Variants in RELCH observed in about 807,000 individuals in gnomAD.
RELCH encodes RAB11 binding and LisH domain, coiled-coil and HEAT repeat containing.
A neutral mutation model predicts 150.3 loss-of-function variants in RELCH; 41 were observed. The ratio of observed to expected loss-of-function variants is 0.27; its 90% CI spans 0.21 to 0.35. The LOEUF is 0.35. RELCH is among the 10% of genes least tolerant of loss of function. The probability of loss-of-function intolerance (pLI) is 1.00; values close to 1 mark genes in which losing one functional copy is unlikely to be tolerated. For synonymous variants in RELCH, 478 were observed against 531.8 expected (o/e 0.90, Z 1.39); for missense variants, 1,092 against 1,467.8 (o/e 0.74, Z 4.18).
chr18:62,252,283 G>A (rs1228207714), intron 11 of RELCH, among the ~76,000 whole-genome samples: 1 of 151,808 alleles, frequency 6.6e-6, no homozygotes, highest in Non-Finnish European at 1.5e-5. Context: ...ACAGGCGTGA[G>A]CTACTGCACC....
At chr18:62,248,998 A>G (rs1026750187) in intron 11 of RELCH, among the ~76,000 whole-genome samples, 1 of 152,374 alleles carries the variant, frequency 6.6e-6, no homozygotes, top group Admixed American at 6.5e-5. Flanking sequence ...ATGGGTGGAT[A>G]GATGGATTAA....
intron 11 of RELCH, among the ~76,000 whole-genome samples, chr18:62,250,711 C>T (rs2042658680): frequency 6.6e-6 from 1 of 152,146 alleles, no homozygotes; most frequent in Non-Finnish European, 1.5e-5. Context: ...TTCCAAAGAG[C>T]TTTGTTATTC....
chr18:62,204,279 G>A (rs2148263182), intron 1 of RELCH, among the ~76,000 whole-genome samples: 1 of 152,174 alleles, frequency 6.6e-6, no homozygotes, highest in East Asian at 1.9e-4. Context: ...TTATTTTAAA[G>A]AACTGGAAAT....
Position 62,308,541 on chromosome 18 carries a change from G to A in RELCH, c.*3007G>A, listed in dbSNP as rs985894070. The A allele has an allele frequency of 6.6e-6, 1 of 151,970 alleles. No individual in the cohort carries two copies. The highest frequency in any genetic ancestry group is 6.6e-5 in the Admixed American group (1 of 15,264). 9.4% of individuals were successfully genotyped at this position (151,970 alleles called of 1,614,324 possible). A position where few individuals can be genotyped will look rare whatever the true frequency, so the allele number is the denominator to read the frequency against. On this transcript the variant is annotated 3_prime_UTR_variant, in exon 29 of 29. Transcript: ENST00000644646. ...TCAAGACCAGCCTGGCCAACGTGGTGAAACCCCGCCTCTAAAAATACAAAA... is the reference window on the plus strand; with the variant it reads ...TCAAGACCAGCCTGGCCAACGTGGTAAAACCCCGCCTCTAAAAATACAAAA...
chr18:62,274,043 C>T lies in RELCH; in HGVS notation c.2824C>T (p.His942Tyr), dbSNP rs754396869. The T allele has an allele frequency of 1.9e-6, 3 of 1,613,146 alleles. No individual in the cohort carries two copies. The highest frequency in any genetic ancestry group is 1.1e-5 in the South Asian group (1 of 91,046). Reference protein sequence around the residue: ...EDVMTLLSLSHAPLDSLKASF... With the variant: ...EDVMTLLSLSYAPLDSLKASF... ...TGTAATGACGCTGCTTTCATTATCT[C>T]ATGCTCCTCTTGATAGCCTGAAGGC... Residue 942 changes from histidine to tyrosine, a missense_variant, in exon 21 of 29, where the codon CAT becomes TAT. Physicochemically the swap from His to Tyr is moderately conservative, Grantham distance 83. Around this residue, in one of 4 missense-constraint regions of RELCH, gnomAD observed 707 missense variants for 1,025.4 expected, o/e 0.69. Coordinates refer to ENST00000644646, the MANE Select transcript of RELCH (RefSeq NM_001346231.2).
rs2045137599 is a variant in RELCH, at chr18:62,291,531, C to T, written c.3371-12C>T. 1.3e-6 allele frequency: 2 copies of T among 1,576,994 alleles called. No homozygotes were observed. Among genetic ancestry groups the T allele is most frequent in the Non-Finnish European group, 8.7e-7 (1 of 1,153,034 alleles). ...TGGTTTTGTTTAATTCCCTTAACTA[C>T]CTTGTCCCAAGTCATTTCAGAGGAT... is the stretch of plus-strand genomic sequence containing the variant. On this transcript the variant is annotated splice_polypyrimidine_tract_variant and intron_variant, in intron 26 of 28. Coordinates refer to ENST00000644646, the MANE Select transcript of RELCH (RefSeq NM_001346231.2).
At chr18:62,244,669 T>G in intron 10 of RELCH, 95 bp from the exon 11 acceptor site, 1 of 791,748 alleles carries the variant, frequency 1.3e-6, no homozygotes, top group Non-Finnish European at 2.1e-6. Flanking sequence ...GAGGTTTATT[T>G]CACTTTAAAT....
chr18:62,215,906 T>A (rs2040446248), intron 2 of RELCH, among the ~76,000 whole-genome samples: 1 of 152,214 alleles, frequency 6.6e-6, no homozygotes, highest in Non-Finnish European at 1.5e-5. Flanking sequence ...AGTAAAATTT[T>A]AAAAACTTTT....
intron 1 of RELCH, among the ~76,000 whole-genome samples, chr18:62,199,466 A>G (rs1341737940): frequency 6.6e-6 from 1 of 152,204 alleles, no homozygotes; most frequent in Non-Finnish European, 1.5e-5. Flanking sequence ...TAGAAAATTT[A>G]TCTGTGTATC....
chr18:62,259,530 G>T (rs540059687), intron 15 of RELCH, among the ~76,000 whole-genome samples: 1 of 151,740 alleles, frequency 6.6e-6, no homozygotes, highest in Non-Finnish European at 1.5e-5. Context: ...GTTCATAGAA[G>T]AATTAATATT....
intron 17 of RELCH, among the ~76,000 whole-genome samples, chr18:62,264,408 T>C (rs1183490142): frequency 2.0e-5 from 3 of 152,062 alleles, no homozygotes; most frequent in Non-Finnish European, 4.4e-5. Context: ...AGACTTCTCA[T>C]TTTTGAGGCT....
intron 2 of RELCH, among the ~76,000 whole-genome samples, chr18:62,220,567 A>C (rs570201421): frequency 6.6e-6 from 1 of 151,934 alleles, no homozygotes; most frequent in East Asian, 1.9e-4. Flanking sequence ...AATGCATTTT[A>C]AGTTAACTTT....
intron 9 of RELCH, 88 bp downstream of exon 9, chr18:62,231,357 T>G: frequency 2.6e-6 from 2 of 761,060 alleles, no homozygotes; most frequent in Non-Finnish European, 4.4e-6. Flanking sequence ...GAAGCATCTG[T>G]GATAAGACTG....
chr18:62,201,733 A>G (rs1467128929), intron 1 of RELCH, among the ~76,000 whole-genome samples: 1 of 152,208 alleles, frequency 6.6e-6, no homozygotes, highest in Admixed American at 6.5e-5. Context: ...TTAGACTTAT[A>G]TATCCATGTC....
intron 1 of RELCH, 23 bp downstream of exon 1, chr18:62,188,054 A>C: frequency 6.6e-7 from 1 of 1,525,488 alleles, no homozygotes; most frequent in East Asian, 2.3e-5. Flanking sequence ...AGCCTGTCAC[A>C]CTCCGGCAGG....
chr18:62,205,742 G>A (rs1432863777), intron 1 of RELCH, among the ~76,000 whole-genome samples: 1 of 152,154 alleles, frequency 6.6e-6, no homozygotes, highest in African/African-American at 2.4e-5. Context: ...AACTTAAATT[G>A]GGCTGGGTGT....
intron 28 of RELCH, among the ~76,000 whole-genome samples, chr18:62,301,408 C>T (rs1385343043): frequency 1.3e-5 from 2 of 152,290 alleles, no homozygotes; most frequent in East Asian, 3.9e-4. Flanking sequence ...TCTGTCACAG[C>T]TACTGAGCTA....
chr18:62,264,943 C>A, intron 18 of RELCH, 91 bp downstream of exon 18: 1 of 1,046,396 alleles, frequency 9.6e-7, no homozygotes, highest in Non-Finnish European at 1.4e-6. Context: ...AAGCATGAAC[C>A]ATTCTTTTAT....
intron 10 of RELCH, among the ~76,000 whole-genome samples, chr18:62,234,320 G>GTT (rs201092211): frequency 2.1e-5 from 3 of 144,650 alleles, no homozygotes; most frequent in African/African-American, 5.0e-5. Flanking sequence ...TGTTTTTTGG[G>GTT]TTTTTTTTTT....
Sources: allele counts gnomAD v4.1 joint callset (sites outside exome capture counted in the v4.1 genomes callset), GRCh38; gene constraint gnomAD v4.1.1; regional missense constraint gnomAD v4.1.1; transcripts MANE v1.5; gene names NCBI Gene and HGNC (gene_info 2026-07-23, HGNC 2026-07-21).